TASP1: variants seen among roughly 807,000 people sequenced by gnomAD.
TASP1 encodes threonine aspartase 1.
In TASP1, 16 loss-of-function variants were observed where a neutral mutation model predicts 56.6. That is an observed-to-expected ratio of 0.28 (90% CI 0.19 to 0.43). TASP1 has a LOEUF of 0.43. Among genes scored for constraint, TASP1 ranks in the 20% least tolerant of loss-of-function variants. The probability of loss-of-function intolerance (pLI) is 1.00; values close to 1 mark genes in which losing one functional copy is unlikely to be tolerated. For missense variants in TASP1, 393 were observed against 511.6 expected (o/e 0.77, Z 2.24); for synonymous variants, 179 against 184.2 (o/e 0.97, Z 0.23).
chr20:13,417,651 T>G, intron 12 of TASP1, 130 bp from the exon 13 acceptor site: 1 of 904,534 alleles, frequency 1.1e-6, no homozygotes, highest in Non-Finnish European at 1.6e-6. Flanking sequence ...CATTTGCTTG[T>G]TCATAAATGT....
At chr20:13,365,214 A>G in the TASP1 span, among the ~76,000 whole-genome samples, 1 of 152,064 alleles carries the variant, frequency 6.6e-6, no homozygotes, top group Non-Finnish European at 1.5e-5. Flanking sequence ...TGGATCTTTT[A>G]TACTTATCTA....
At chr20:13,381,066 C>T in the TASP1 span, among the ~76,000 whole-genome samples, 1 of 152,154 alleles carries the variant, frequency 6.6e-6, no homozygotes, top group Non-Finnish European at 1.5e-5. Context: ...GCTTCAGCCC[C>T]CTTTCCAGGG....
intron 5 of TASP1, among the ~76,000 whole-genome samples, chr20:13,586,084 G>A (rs774864794): frequency 5.4e-5 from 8 of 148,164 alleles, no homozygotes; most frequent in Admixed American, 1.4e-4. Context: ...GCAGTGAGCC[G>A]AGATCGCACC....
chr20:13,132,959 C>T, the TASP1 span: 1 of 153,680 alleles, frequency 6.5e-6, no homozygotes, highest in Non-Finnish European at 1.5e-5. Context: ...TGCCTCCTTG[C>T]TCCATGGATC....
chr20:13,206,381 G>T, the TASP1 span, among the ~76,000 whole-genome samples: 1 of 152,118 alleles, frequency 6.6e-6, no homozygotes, highest in African/African-American at 2.4e-5. Flanking sequence ...TAAGTGGATG[G>T]ATATATTTTA....
chr20:13,604,375 C>A (rs1230292966), intron 4 of TASP1, among the ~76,000 whole-genome samples: 2 of 152,116 alleles, frequency 1.3e-5, no homozygotes, highest in Non-Finnish European at 2.9e-5. Flanking sequence ...GCCACCTCTT[C>A]CCTCTCTTTC....
intron 10 of TASP1, among the ~76,000 whole-genome samples, chr20:13,507,614 T>C (rs1305389848): frequency 6.6e-6 from 1 of 152,164 alleles, no homozygotes; most frequent in Non-Finnish European, 1.5e-5. Flanking sequence ...GTGTTCTGTG[T>C]TCACGGACTG....
At chr20:13,273,343 T>G in the TASP1 span, among the ~76,000 whole-genome samples, 1 of 151,970 alleles carries the variant, frequency 6.6e-6, no homozygotes, top group Non-Finnish European at 1.5e-5. Context: ...CAAGTGATCC[T>G]CCTACCTCAG....
the TASP1 span, among the ~76,000 whole-genome samples, chr20:13,358,241 G>T: frequency 1.3e-5 from 2 of 152,106 alleles, no homozygotes; most frequent in South Asian, 2.1e-4. Context: ...CTTTCTTTTC[G>T]GACTCAGCCC....
At chr20:13,455,101 TG>T (rs1056207103) in intron 11 of TASP1, among the ~76,000 whole-genome samples, 58 of 152,146 alleles carry the variant, frequency 3.8e-4, no homozygotes, top group Admixed American at 1.6e-3. Flanking sequence ...AAACAATAAA[TG>T]CCTTCTTAAA....
rs908739494 is a variant in TASP1 at position 13,515,542 on chromosome 20, T to C, written c.874+12891A>G. On this transcript the variant is annotated intron_variant, in intron 10 of 13. Transcript: ENST00000337743. ...TTAACAAGATCCCCAAGGTGATTCATACACTTAAAAAAAAAAAAAAAAAAA... is the reference window on the plus strand; with the variant it reads ...TTAACAAGATCCCCAAGGTGATTCACACACTTAAAAAAAAAAAAAAAAAAA... Among the ~76,000 whole-genome samples, 28 of 101,638 alleles carry C rather than the reference T, an allele frequency of 2.8e-4. No homozygotes were observed. The Admixed American group carries it at 3.1e-3, about 11-fold the overall frequency. 66.7% of individuals were successfully genotyped at this position (101,638 alleles called of 152,430 possible). A position where few individuals can be genotyped will look rare whatever the true frequency, so the allele number is the denominator to read the frequency against.
chr20:13,271,741 A>G, the TASP1 span, among the ~76,000 whole-genome samples: 1 of 152,066 alleles, frequency 6.6e-6, no homozygotes, highest in East Asian at 1.9e-4. Flanking sequence ...CCCCCGGGCA[A>G]CCCAGCCCCT....
chr20:13,296,949 C>G, the TASP1 span, among the ~76,000 whole-genome samples: 1 of 152,080 alleles, frequency 6.6e-6, no homozygotes, highest in African/African-American at 2.4e-5. Context: ...ACCCGGGCAG[C>G]AGAGGTTGCA....
rs76443975 is a variant in TASP1 at position 13,522,977 on chromosome 20, T to G, written c.874+5456A>C. Reference sequence around the variant, plus strand: ...TTATTTGAGCAACCGTGTCAAATGTTGCTTATAGGACTAAAGGATAATCAC... The same window carrying G: ...TTATTTGAGCAACCGTGTCAAATGTGGCTTATAGGACTAAAGGATAATCAC... On this transcript the variant is annotated intron_variant, in intron 10 of 13. Coordinates refer to ENST00000337743, the MANE Select transcript of TASP1 (RefSeq NM_017714.3). 1.2e-3 allele frequency among the ~76,000 whole-genome samples: 187 copies of G among 152,286 alleles called. 8 individuals carry two copies. The East Asian group carries it at 0.034, about 28-fold the overall frequency.
At chr20:13,224,647 C>T in the TASP1 span, among the ~76,000 whole-genome samples, 1 of 151,898 alleles carries the variant, frequency 6.6e-6, no homozygotes, top group South Asian at 2.1e-4. Context: ...CAGAAATATG[C>T]AATGGTGAGT....
the TASP1 span, chr20:13,110,087 T>C: frequency 1.1e-6 from 1 of 889,960 alleles, no homozygotes; most frequent in Non-Finnish European, 1.5e-6. Flanking sequence ...CATGACTCAA[T>C]TTTTTTTTTT....
intron 8 of TASP1, among the ~76,000 whole-genome samples, chr20:13,544,497 A>C (rs998062232): frequency 6.6e-6 from 1 of 152,100 alleles, no homozygotes; most frequent in African/African-American, 2.4e-5. Flanking sequence ...TACTTCATAG[A>C]GGCATGTGTA....
chr20:13,498,551 G>A (rs1166793395), intron 10 of TASP1, among the ~76,000 whole-genome samples: 1 of 151,898 alleles, frequency 6.6e-6, no homozygotes, highest in Non-Finnish European at 1.5e-5. Flanking sequence ...TAGACATAGG[G>A]TTTCACCATG....
intron 10 of TASP1, among the ~76,000 whole-genome samples, chr20:13,520,945 C>T (rs539430275): frequency 1.3e-5 from 2 of 151,472 alleles, no homozygotes; most frequent in South Asian, 4.2e-4. Context: ...CAAACAACCC[C>T]ATCAAAAAGT....
Sources: gnomAD v4.1 joint callset for allele counts (sites outside exome capture counted in the v4.1 genomes callset) on GRCh38, gnomAD v4.1.1 for gene constraint, MANE v1.5 for transcripts, NCBI Gene and HGNC (gene_info 2026-07-23, HGNC 2026-07-21) for gene names.